The following SEPTIN3 variants were observed in gnomAD, a reference collection of about 807,000 sequenced individuals.
SEPTIN3 encodes the protein neuronal-specific septin-3.
In SEPTIN3, 15 loss-of-function variants were observed where a neutral mutation model predicts 45.1. That is an observed-to-expected ratio of 0.33 (90% confidence interval 0.22 to 0.51). SEPTIN3 has a LOEUF of 0.51. Among genes scored for constraint, SEPTIN3 ranks in the 20% least tolerant of loss-of-function variants. The pLI, the probability that SEPTIN3 is intolerant of heterozygous loss-of-function variation, is 0.97. For missense variants in SEPTIN3, 289 were observed against 457.2 expected (o/e 0.63, Z 3.35); for synonymous variants, 148 against 164.8 (o/e 0.90, Z 0.78).
chr22:41,977,960 G>T (rs977345634), intron 2 of SEPTIN3, among the ~76,000 whole-genome samples: 9 of 152,170 alleles, frequency 5.9e-5, no homozygotes, highest in African/African-American at 1.7e-4. Context: ...GCTGCAGGCA[G>T]ATCCCCCTTC....
chr22:41,985,057 G>A lies in SEPTIN3; in HGVS notation c.1697-927G>A, dbSNP rs187802995. ...TTTTTAGAAGAGACGGTGTTTCACC[G>A]TGTTAGCCAGGATGGACTCGATCTC... is the stretch of plus-strand genomic sequence containing the variant. On this transcript the variant is annotated intron_variant, in intron 3 of 11. Coordinates refer to ENST00000644076, the MANE Select transcript of SEPTIN3 (RefSeq NM_001363845.2). 2.6e-3 allele frequency among the ~76,000 whole-genome samples: 399 copies of A among 151,420 alleles called. 1 individual carries two copies. The highest frequency in any genetic ancestry group is 9.1e-3 in the African/African-American group (376 of 41,214).
At chr22:41,991,498 C>T (rs888963446) in intron 7 of SEPTIN3, 75 bp from the exon 8 acceptor site, 34 of 1,069,366 alleles carry the variant, frequency 3.2e-5, no homozygotes, top group African/African-American at 4.7e-5. Flanking sequence ...CCTCAGCTCA[C>T]GCACACAGGT....
intron 2 of SEPTIN3, among the ~76,000 whole-genome samples, chr22:41,980,129 CTTTT>C (rs569424612): frequency 1.4e-4 from 14 of 103,406 alleles, no homozygotes; most frequent in East Asian, 5.0e-4. Context: ...TGCTCAGTGC[CTTTT>C]TTTTTTTTTT....
chr22:41,972,527 G>A lies in SEPTIN3; in HGVS notation c.1035G>A (p.Lys345=). Residue 345 remains lysine, a synonymous_variant, in exon 2 of 12, where the codon AAG becomes AAA. Transcript: ENST00000644076. ...ATCTGACTACAGTTGGGACAACCAAGCCAGGGATGGTCATGGATTTGATAG... is the reference window on the plus strand; with the variant it reads ...ATCTGACTACAGTTGGGACAACCAAACCAGGGATGGTCATGGATTTGATAG... ...AMNLTTVGTT[K]PGMVMDLIAS... is the part of the protein sequence containing the mutation. The A allele has an allele frequency of 2.5e-6, 1 of 399,116 alleles. No individual in the cohort carries two copies. Among genetic ancestry groups the A allele is most frequent in the Non-Finnish European group, 4.4e-6 (1 of 226,114 alleles). 24.7% of individuals were successfully genotyped at this position (399,116 alleles called of 1,614,324 possible). A position where few individuals can be genotyped will look rare whatever the true frequency, so the allele number is the denominator to read the frequency against.
intron 9 of SEPTIN3, 142 bp downstream of exon 9, chr22:41,992,905 C>T (rs1569441024): frequency 3.1e-6 from 2 of 646,970 alleles, no homozygotes; most frequent in African/African-American, 1.8e-5. Flanking sequence ...AGCTTACAGT[C>T]TCATTGAGAA....
rs186921424 is a variant in SEPTIN3, at chr22:41,987,491, T to C, written c.1908-131T>C. On this transcript the variant is annotated intron_variant, in intron 5 of 11. Coordinates refer to ENST00000644076, the MANE Select transcript of SEPTIN3 (RefSeq NM_001363845.2). ...TCGGTGCGGGGGCTGAGGGGGAATC[T>C]GGCAGCAGGTATCCTAGGCCCACCA... is the stretch of plus-strand genomic sequence containing the variant. The C allele has an allele frequency of 1.5e-5, 19 of 1,233,946 alleles. No individual in the cohort carries two copies. The Admixed American group carries it at 4.0e-4, about 26-fold the overall frequency. The allele number at this position is 1,233,946 out of a possible 1,614,324, so 76.4% of individuals were successfully genotyped here. A position where few individuals can be genotyped will look rare whatever the true frequency, so the allele number is the denominator to read the frequency against.
At chr22:41,975,743 C>T (rs1347222622) in intron 2 of SEPTIN3, among the ~76,000 whole-genome samples, 2 of 152,162 alleles carry the variant, frequency 1.3e-5, no homozygotes, top group Non-Finnish European at 2.9e-5. Context: ...TGTTGGTTTA[C>T]CTCCTCAGTA....
intron 7 of SEPTIN3, among the ~76,000 whole-genome samples, chr22:41,991,079 C>CAACA (rs1378720535): frequency 2.7e-5 from 4 of 146,230 alleles, no homozygotes; most frequent in Non-Finnish European, 4.5e-5. Context: ...AACAAACAAA[C>CAACA]AACAAACAAA....
intron 3 of SEPTIN3, 37 bp from the exon 4 acceptor site, chr22:41,985,947 C>G: frequency 6.4e-7 from 1 of 1,569,850 alleles, no homozygotes. Context: ...GAGGTGGATG[C>G]AGAGTCTCCC....
At chr22:41,992,337 C>T (rs933577812) in intron 8 of SEPTIN3, among the ~76,000 whole-genome samples, 10 of 152,078 alleles carry the variant, frequency 6.6e-5, no homozygotes, top group African/African-American at 2.4e-4. Context: ...TGAAATTGTG[C>T]CATTGCACTC....
At position 41,971,537 on chromosome 22, in the gene SEPTIN3, T is replaced by C. The variant is rs1029444934; in HGVS notation, c.45T>C (p.His15=). Residue 15 remains histidine, a synonymous_variant, in exon 2 of 12, where the codon CAT becomes CAC. Transcript: ENST00000644076. Reference sequence around the variant, plus strand: ...CTGCTCCTCCAGAGATGCAGTCGCATGGAGCTCCAGGCCCGGGAACCTCCT... The same window carrying C: ...CTGCTCCTCCAGAGATGCAGTCGCACGGAGCTCCAGGCCCGGGAACCTCCT... ...FAPAPPEMQS[H]GAPGPGTSFS... is the part of the protein sequence containing the mutation. The C allele has an allele frequency of 5.0e-6, 2 of 399,014 alleles. No individual in the cohort carries two copies. The highest frequency in any genetic ancestry group is 4.4e-5 in the Admixed American group (1 of 22,708). The allele number at this position is 399,014 out of a possible 1,614,324, so 24.7% of individuals were successfully genotyped here. A position where few individuals can be genotyped will look rare whatever the true frequency, so the allele number is the denominator to read the frequency against.
intron 2 of SEPTIN3, among the ~76,000 whole-genome samples, chr22:41,974,901 C>A (rs1433192131): frequency 1.3e-5 from 2 of 148,624 alleles, no homozygotes; most frequent in Non-Finnish European, 3.0e-5. Context: ...AAGCCTCCTA[C>A]CTCCTACGTG....
At chr22:41,995,474 G>T in intron 11 of SEPTIN3, 1 of 985,568 alleles carries the variant, frequency 1.0e-6, no homozygotes, top group Non-Finnish European at 1.2e-6. Flanking sequence ...GCCACTGCCT[G>T]TCTCTGCTTC....
At position 41,976,394 on chromosome 22, in the gene SEPTIN3, A is replaced by T. The variant is rs1342570491; in HGVS notation, c.1504+3398A>T. The T allele has an allele frequency of 6.6e-6, 1 of 152,304 alleles. No homozygotes were observed. Among genetic ancestry groups the T allele is most frequent in the Admixed American group, 6.5e-5 (1 of 15,286 alleles). The allele number at this position is 152,304 out of a possible 1,614,324, so 9.4% of individuals were successfully genotyped here. A position where few individuals can be genotyped will look rare whatever the true frequency, so the allele number is the denominator to read the frequency against. On this transcript the variant is annotated intron_variant, in intron 2 of 11. Transcript: ENST00000644076. The surrounding 1 kb of genome is among the most constrained non-coding windows in gnomAD (Gnocchi z 5.8). ...CTAATGGGCAAACTGAGGCTCAGAGAAGTTCCTGTCTGGCTCAAGGTTATT... is the reference window on the plus strand; with the variant it reads ...CTAATGGGCAAACTGAGGCTCAGAGTAGTTCCTGTCTGGCTCAAGGTTATT...
At chr22:41,981,558 G>A in intron 2 of SEPTIN3, 87 bp from the exon 3 acceptor site, 3 of 1,158,472 alleles carry the variant, frequency 2.6e-6, no homozygotes, top group Non-Finnish European at 3.6e-6. Context: ...GTATGATTCT[G>A]TAGCAAGAGA....
intron 1 of SEPTIN3, among the ~76,000 whole-genome samples, chr22:41,970,504 G>A (rs1490166173): frequency 1.3e-5 from 2 of 152,114 alleles, no homozygotes; most frequent in Admixed American, 6.5e-5. Context: ...CACACTGCCC[G>A]AGTGGCCGTT....
intron 2 of SEPTIN3, among the ~76,000 whole-genome samples, chr22:41,980,265 G>A (rs2078100774): frequency 6.6e-6 from 1 of 151,044 alleles, no homozygotes; most frequent in Admixed American, 6.6e-5. Flanking sequence ...AGCCTCCTGA[G>A]TAGCTAGGAT....
chr22:41,971,783 C>A lies in SEPTIN3; in HGVS notation c.291C>A (p.Pro97=). ...TGGGGGCTTCCTTGAGCCCCCTGCC[C>A]ACCAGCAGCCTTGTACCCAGGAAGC... is the stretch of plus-strand genomic sequence containing the variant. The part of the protein sequence containing the change: ...IALGASLSPL[P]TSSLVPRKLS... Residue 97 remains proline (P), a synonymous_variant, in exon 2 of 12, where the codon CCC becomes CCA. Transcript: ENST00000644076. 2.5e-6 allele frequency: 1 copy of A among 399,300 alleles called. No individual in the cohort carries two copies. Among genetic ancestry groups the A allele is most frequent in the Non-Finnish European group, 4.4e-6 (1 of 226,262 alleles). The allele number at this position is 399,300 out of a possible 1,614,324, so 24.7% of individuals were successfully genotyped here.
chr22:41,996,100 T>A (rs56041448), intron 11 of SEPTIN3: 13,612 of 985,190 alleles, frequency 0.014, 107 homozygotes, highest in Non-Finnish European at 0.015. Flanking sequence ...GCTAATCATA[T>A]TTATGTCTGT....
Sources: allele counts gnomAD v4.1 joint callset (sites outside exome capture counted in the v4.1 genomes callset), GRCh38; gene constraint gnomAD v4.1.1; non-coding constraint Gnocchi (gnomAD v3.1); transcripts MANE v1.5; gene names NCBI Gene and HGNC (gene_info 2026-07-23, HGNC 2026-07-21).